HOTAIR: variants seen among roughly 807,000 people sequenced by gnomAD.
HOTAIR encodes HOX transcript antisense RNA (non-protein coding).
chr12:53,974,820 A>G (rs555636251), intron 1 of HOTAIR: 131 of 193,774 alleles, frequency 6.8e-4, no homozygotes, highest in African/African-American at 3.0e-3. Flanking sequence ...GGCTTTCCGA[A>G]CCACTAGGAG....
Position 53,973,936 on chromosome 12 carries a change from G to A in HOTAIR, n.59+962C>T. On this transcript the variant is annotated intron_variant and non_coding_transcript_variant, in intron 1 of 6. Transcript: ENST00000424518. This position sits in a 1 kb window ranked among gnomAD's most constrained non-coding sequence, Gnocchi z 4.3. ...GGAGCCGCCCCCAGTAGGTAGCAGCGGCCGGGGAACGGGCGGGCAGCGAGG... is the reference window on the plus strand; with the variant it reads ...GGAGCCGCCCCCAGTAGGTAGCAGCAGCCGGGGAACGGGCGGGCAGCGAGG... The A allele has an allele frequency of 7.0e-7, 1 of 1,435,798 alleles. No individual in the cohort carries two copies. The highest frequency in any genetic ancestry group is 9.2e-7 in the Non-Finnish European group (1 of 1,092,814). 88.9% of individuals were successfully genotyped at this position (1,435,798 alleles called of 1,614,324 possible). A position where few individuals can be genotyped will look rare whatever the true frequency, so the allele number is the denominator to read the frequency against.
At position 53,973,739 on chromosome 12, in the gene HOTAIR, C is replaced by A. The variant is rs779229466; in HGVS notation, n.59+1159G>T. 6.2e-7 allele frequency: 1 copy of A among 1,612,900 alleles called. No homozygotes were observed. The highest frequency in any genetic ancestry group is 8.5e-7 in the Non-Finnish European group (1 of 1,179,810). Reference sequence around the variant, plus strand: ...CCTACTGCGGTGGCGGCGACCCGCCCGCCGAGCCCCCCTGCTCCGGCAAGG... The same window carrying A: ...CCTACTGCGGTGGCGGCGACCCGCCAGCCGAGCCCCCCTGCTCCGGCAAGG... On this transcript the variant is annotated intron_variant and non_coding_transcript_variant, in intron 1 of 6. Coordinates refer to ENST00000424518, the Ensembl canonical transcript of HOTAIR. The surrounding 1 kb of genome is among the most constrained non-coding windows in gnomAD (Gnocchi z 4.3).
chr12:53,965,135 A>G (rs1460938723), intron 5 of HOTAIR, among the ~76,000 whole-genome samples: 2 of 152,226 alleles, frequency 1.3e-5, no homozygotes, highest in Non-Finnish European at 2.9e-5. Flanking sequence ...TAATCTCTAT[A>G]AATCCCTAGT....
chr12:53,967,018 C>T (rs1012753192), intron 3 of HOTAIR, among the ~76,000 whole-genome samples: 1 of 152,194 alleles, frequency 6.6e-6, no homozygotes, highest in African/African-American at 2.4e-5. Context: ...GGGATATCTG[C>T]GGAGGACTTA....
exon 7 of HOTAIR, chr12:53,963,493 C>G (rs1938991677): frequency 6.6e-6 from 1 of 152,268 alleles, no homozygotes; most frequent in Non-Finnish European, 1.5e-5. Context: ...ACAGTGCACT[C>G]ACGCCCAACA....
exon 3 of HOTAIR, chr12:53,967,367 A>C (rs1939073886): frequency 6.6e-6 from 1 of 152,230 alleles, no homozygotes; most frequent in Non-Finnish European, 1.5e-5. Context: ...TGGAACTCCC[A>C]GGCCTCAGTG....
At chr12:53,964,433 G>C (rs1939012987) in intron 5 of HOTAIR, 1 of 152,130 alleles carries the variant, frequency 6.6e-6, no homozygotes, top group African/African-American at 2.4e-5. Flanking sequence ...GGGGAAGGGA[G>C]AAATATGACT....
intron 1 of HOTAIR, among the ~76,000 whole-genome samples, chr12:53,974,316 G>T (rs958248636): frequency 2.0e-5 from 3 of 151,866 alleles, no homozygotes; most frequent in Admixed American, 2.0e-4. Flanking sequence ...TGGGGAGGAG[G>T]GGAGGGGTGG....
Sources: gnomAD v4.1 joint callset for allele counts (sites outside exome capture counted in the v4.1 genomes callset) on GRCh38, gnomAD v4.1.1 for gene constraint, Gnocchi (gnomAD v3.1) non-coding constraint, MANE v1.5 for transcripts, NCBI Gene and HGNC (gene_info 2026-07-23, HGNC 2026-07-21) for gene names.